PDE10A: variants seen among roughly 807,000 people sequenced by gnomAD.
PDE10A encodes the protein phosphodiesterase 10A, also known as cAMP and cAMP-inhibited cGMP 3',5'-cyclic phosphodiesterase 10A.
A neutral mutation model predicts 97.7 loss-of-function variants in PDE10A; 39 were observed. The ratio of observed to expected loss-of-function variants is 0.40; its 90% CI spans 0.31 to 0.52. The LOEUF is 0.52. Among genes scored for constraint, PDE10A ranks in the 20% least tolerant of loss-of-function variants. The pLI, the probability that PDE10A is intolerant of heterozygous loss-of-function variation, is 0.56. For synonymous variants in PDE10A, 371 were observed against 376.8 expected, an observed-to-expected ratio of 0.98 and a Z score of 0.18; for missense variants, 731 against 1,047.8, an observed-to-expected ratio of 0.70 and a Z score of 4.17.
At position 165,809,760 on chromosome 6, in the gene PDE10A, C is replaced by G. The variant is rs369317080; in HGVS notation, c.-615+177769G>C. Among the ~76,000 whole-genome samples the G allele has an allele frequency of 7.9e-5, 12 of 152,304 alleles. No homozygotes were observed. The South Asian group carries it at 2.5e-3, about 32-fold the overall frequency. ...CACTGCATGGTCCCTTCCCAGCCCT[C>G]CTAGTGGGTGAAAGGCACATGGAAG... On this transcript the variant is annotated intron_variant, in intron 1 of 19. Coordinates refer to the PDE10A transcript ENST00000366882.
chr6:165,358,587 T>G (rs932283831), intron 18 of PDE10A, among the ~76,000 whole-genome samples: 5 of 151,918 alleles, frequency 3.3e-5, no homozygotes, highest in South Asian at 2.1e-4. Context: ...TTAAAGTGCA[T>G]ACGTCATAGA....
intron 1 of PDE10A, among the ~76,000 whole-genome samples, chr6:165,876,133 G>T (rs534010673): frequency 1.3e-5 from 2 of 152,306 alleles, no homozygotes; most frequent in African/African-American, 4.8e-5. Context: ...CATGCCAAGT[G>T]GCAGGACACA....
At chr6:165,591,170 G>A (rs935525860) in intron 1 of PDE10A, among the ~76,000 whole-genome samples, 5 of 152,176 alleles carry the variant, frequency 3.3e-5, no homozygotes, top group Non-Finnish European at 7.3e-5. Context: ...GTAATTCATT[G>A]TAAATTTGGT....
At chr6:165,551,682 C>G (rs1784023713) in intron 1 of PDE10A, among the ~76,000 whole-genome samples, 1 of 152,144 alleles carries the variant, frequency 6.6e-6, no homozygotes. Flanking sequence ...ACACTTCCTC[C>G]CGTCTGAGGT....
At chr6:165,742,037 A>T (rs1313494510) in intron 1 of PDE10A, among the ~76,000 whole-genome samples, 1 of 152,212 alleles carries the variant, frequency 6.6e-6, no homozygotes, top group Non-Finnish European at 1.5e-5. Flanking sequence ...GGTCATGACA[A>T]TCATCACAGT....
At chr6:165,820,506 T>A (rs1415395632) in intron 1 of PDE10A, among the ~76,000 whole-genome samples, 2 of 152,222 alleles carry the variant, frequency 1.3e-5, no homozygotes, top group Non-Finnish European at 2.9e-5. Context: ...TCTTCCTGGT[T>A]TATCCAAGTT....
At chr6:165,646,015 A>G (rs1789379681) in intron 1 of PDE10A, among the ~76,000 whole-genome samples, 1 of 152,198 alleles carries the variant, frequency 6.6e-6, no homozygotes. Flanking sequence ...TAACCCAGCA[A>G]GACAAACAGC....
intron 2 of PDE10A, among the ~76,000 whole-genome samples, chr6:165,493,125 C>T (rs1024978032): frequency 2.0e-5 from 3 of 152,030 alleles, no homozygotes; most frequent in African/African-American, 4.8e-5. Flanking sequence ...ATACACTTAA[C>T]CATGGAGGTG....
intron 10 of PDE10A, among the ~76,000 whole-genome samples, chr6:165,421,836 T>C (rs1296138354): frequency 6.6e-6 from 1 of 152,140 alleles, no homozygotes; most frequent in East Asian, 1.9e-4. Context: ...CCAAGCCCCT[T>C]GGACTGCTTG....
chr6:165,480,247 T>C (rs1476727013), intron 3 of PDE10A, among the ~76,000 whole-genome samples: 1 of 152,092 alleles, frequency 6.6e-6, no homozygotes, highest in Non-Finnish European at 1.5e-5. Context: ...AGAATGGCCA[T>C]TTTGGGAGGC....
At chr6:165,372,281 T>A (rs1784308136) in intron 18 of PDE10A, among the ~76,000 whole-genome samples, 1 of 150,644 alleles carries the variant, frequency 6.6e-6, no homozygotes, top group African/African-American at 2.5e-5. Context: ...AAAGAGGAAA[T>A]CAAATTGTCC....
At chr6:165,528,693 C>A (rs1166726345) in intron 2 of PDE10A, among the ~76,000 whole-genome samples, 1 of 152,180 alleles carries the variant, frequency 6.6e-6, no homozygotes, top group Non-Finnish European at 1.5e-5. Flanking sequence ...GTGCCTCTGA[C>A]CCAGGCACTC....
At chr6:165,360,290 A>G (rs533313434) in intron 18 of PDE10A, among the ~76,000 whole-genome samples, 13 of 152,308 alleles carry the variant, frequency 8.5e-5, no homozygotes, top group African/African-American at 3.1e-4. Context: ...ACTCAGGCCC[A>G]GCCACTGACC....
At chr6:165,406,905 A>G (rs1787221274) in intron 13 of PDE10A, among the ~76,000 whole-genome samples, 2 of 152,040 alleles carry the variant, frequency 1.3e-5, no homozygotes, top group Non-Finnish European at 2.9e-5. Flanking sequence ...TTGGAGTTTA[A>G]CTTGCACCAG....
At chr6:165,489,789 A>G (rs890812179) in intron 2 of PDE10A, among the ~76,000 whole-genome samples, 1 of 152,246 alleles carries the variant, frequency 6.6e-6, no homozygotes, top group African/African-American at 2.4e-5. Context: ...AGACACTTAG[A>G]GAATTGCAAA....
intron 1 of PDE10A, among the ~76,000 whole-genome samples, chr6:165,705,896 GA>G (rs2128444761): frequency 6.6e-6 from 1 of 152,344 alleles, no homozygotes; most frequent in African/African-American, 2.4e-5. Context: ...AGAAGTGTAA[GA>G]GAAGGAAAAA....
chr6:165,752,620 G>A (rs909835553), intron 1 of PDE10A, among the ~76,000 whole-genome samples: 1 of 152,054 alleles, frequency 6.6e-6, no homozygotes, highest in Non-Finnish European at 1.5e-5. Context: ...TGTCAAACTG[G>A]GAAGAGACAT....
chr6:165,450,215 C>T, intron 4 of PDE10A, 27 bp downstream of exon 4: 1 of 1,496,628 alleles, frequency 6.7e-7, no homozygotes, highest in Admixed American at 2.1e-5. Context: ...CCCATTTTTT[C>T]TAACAGGAAC....
intron 1 of PDE10A, among the ~76,000 whole-genome samples, chr6:165,713,178 A>G (rs1158949773): frequency 6.6e-6 from 1 of 152,186 alleles, no homozygotes; most frequent in African/African-American, 2.4e-5. Flanking sequence ...AAAACCACAA[A>G]GGAGCAGATC....
Sources: gnomAD v4.1 joint callset for allele counts (sites outside exome capture counted in the v4.1 genomes callset) on GRCh38, gnomAD v4.1.1 for gene constraint, MANE v1.5 for transcripts, NCBI Gene and HGNC (gene_info 2026-07-23, HGNC 2026-07-21) for gene names.